ICE1: variants seen among roughly 807,000 people sequenced by gnomAD.
The protein encoded by ICE1 is interactor of little elongation complex ELL subunit 1.
A neutral mutation model predicts 192.7 loss-of-function variants in ICE1; 64 were observed. That is an observed-to-expected ratio of 0.33 (90% CI 0.27 to 0.41). The LOEUF is 0.41. ICE1 is among the 10% of genes least tolerant of loss of function. ICE1 has a pLI of 1.00. For missense variants in ICE1, 2,708 were observed against 2,696.0 expected (o/e 1.00, Z -0.10); for synonymous variants, 1,010 against 984.5 (o/e 1.03, Z -0.49).
chr5:5,489,538 T>A lies in ICE1; in HGVS notation c.*208T>A, dbSNP rs1739731639. The A allele has an allele frequency of 2.1e-6, 1 of 484,510 alleles. No individual in the cohort carries two copies. Among genetic ancestry groups the A allele is most frequent in the Admixed American group, 3.8e-5 (1 of 26,628 alleles). 30.0% of individuals were successfully genotyped at this position (484,510 alleles called of 1,614,324 possible). A position where few individuals can be genotyped will look rare whatever the true frequency, so the allele number is the denominator to read the frequency against. On this transcript the variant is annotated 3_prime_UTR_variant, in exon 19 of 19. Transcript: ENST00000296564. Reference sequence around the variant, plus strand: ...TTTCCCTAAATCTAATACGTTTCACTTAAGGCTGTTGTGATCTGTGACATA... The same window carrying A: ...TTTCCCTAAATCTAATACGTTTCACATAAGGCTGTTGTGATCTGTGACATA...
At position 5,478,109 on chromosome 5, in the gene ICE1, TG is replaced by T. The variant is rs1363204680; in HGVS notation, c.6520+2032del. On this transcript the variant is annotated intron_variant, in intron 17 of 18. Transcript: ENST00000296564. ...TTACCACTCCTGTTCAACATCGTAT[TG>T]GAAGTTCTGGCCAGGCCAATCAGGC... Among the ~76,000 whole-genome samples the T allele has an allele frequency of 3.9e-5, 6 of 152,330 alleles. No individual in the cohort carries two copies. In the East Asian group the frequency reaches 1.2e-3, roughly 29 times the overall value.
rs771276162 is a variant in ICE1 at position 5,465,066 on chromosome 5, A to G, written c.5732A>G (p.His1911Arg). Residue 1911 changes from histidine to arginine, a missense_variant, in exon 13 of 19, where the codon CAT becomes CGT. Physicochemically the swap from His to Arg is conservative, Grantham distance 29. Coordinates refer to ENST00000296564, the MANE Select transcript of ICE1 (RefSeq NM_015325.3). ...PLSPKETVES[H>R]DKAIANALKK... ...AGCCCAAAAGAAACTGTGGAGTCCCATGATAAAGCCATAGCTAATGCCCTG... is the reference window on the plus strand; with the variant it reads ...AGCCCAAAAGAAACTGTGGAGTCCCGTGATAAAGCCATAGCTAATGCCCTG... 2.4e-5 allele frequency: 38 copies of G among 1,613,846 alleles called. No individual in the cohort carries two copies. Among genetic ancestry groups the G allele is most frequent in the Admixed American group, 5.0e-5 (3 of 59,998 alleles).
At chr5:5,457,806 A>G in intron 12 of ICE1, 65 bp downstream of exon 12, 2 of 1,407,192 alleles carry the variant, frequency 1.4e-6, no homozygotes, top group Middle Eastern at 1.8e-4. Context: ...TATGTCCTTG[A>G]TGCTCAAAGG....
At chr5:5,425,445 T>G (rs1561069386) in intron 1 of ICE1, among the ~76,000 whole-genome samples, 1 of 152,350 alleles carries the variant, frequency 6.6e-6, no homozygotes, top group East Asian at 1.9e-4. Context: ...TGTGTTCCAT[T>G]GAAACATTAT....
chr5:5,447,480 A>G lies in ICE1; in HGVS notation c.478A>G (p.Ile160Val). 2 of 1,552,450 alleles carry G rather than the reference A, an allele frequency of 1.3e-6. No individual in the cohort carries two copies. Among genetic ancestry groups the G allele is most frequent in the African/African-American group, 2.7e-5 (2 of 73,170 alleles). ...DFKQLRNEKK[I>V]LEKEFKKTQE... ...CAAGCAACTGAGAAATGAAAAGAAAATACTTGAAAAGGAATTTAAGAAGAC... is the reference window on the plus strand; with the variant it reads ...CAAGCAACTGAGAAATGAAAAGAAAGTACTTGAAAAGGAATTTAAGAAGAC... Residue 160 changes from isoleucine (I) to valine (V), a missense_variant, in exon 8 of 19, where the codon ATA (isoleucine) becomes GTA (valine). Transcript: ENST00000296564.
chr5:5,441,700 G>A (rs1738058574), intron 5 of ICE1, among the ~76,000 whole-genome samples: 1 of 152,158 alleles, frequency 6.6e-6, no homozygotes, highest in African/African-American at 2.4e-5. Flanking sequence ...TCTGGTATGA[G>A]TTAAGATGTC....
rs371809321 is a variant in ICE1, at chr5:5,461,841, ATCT to A, written c.2512_2514del (p.Leu838del). Reference sequence around the variant, plus strand: ...AATAGAGGACCAACACCCAAGCCTGATCTTCTTAGAGAAAATAACAATCCTGTA... The same window carrying A: ...AATAGAGGACCAACACCCAAGCCTGATCTTAGAGAAAATAACAATCCTGTA... On this transcript the variant is annotated inframe_deletion, in exon 13 of 19. Transcript: ENST00000296564. 8.7e-6 allele frequency: 14 copies of A among 1,614,032 alleles called. No individual in the cohort carries two copies. In the East Asian group the frequency reaches 1.6e-4, roughly 18 times the overall value.
chr5:5,449,461 G>GA (rs11324848), intron 10 of ICE1, among the ~76,000 whole-genome samples: 390 of 135,318 alleles, frequency 2.9e-3, no homozygotes, highest in Non-Finnish European at 3.7e-3. Flanking sequence ...TTTTCGACCG[G>GA]AAAAAAAAAA....
intron 4 of ICE1, among the ~76,000 whole-genome samples, chr5:5,440,415 T>C (rs766052968): frequency 1.3e-5 from 2 of 152,282 alleles, no homozygotes; most frequent in African/African-American, 2.4e-5. Flanking sequence ...GGACTCAAGA[T>C]TGGAACAGCC....
rs749805448 is a variant in ICE1 at position 5,464,403 on chromosome 5, G to C, written c.5069G>C (p.Arg1690Pro). 3 of 1,613,740 alleles carry C rather than the reference G, an allele frequency of 1.9e-6. No homozygotes were observed. The South Asian group carries it at 3.3e-5, about 18-fold the overall frequency. ...TCTCCATGGCCAGAGGACCCCAGAC[G>C]TGCCTCTCCTCCAGATCCTTCTCCA... ...AMSPWPEDPR[R>P]ASPPDPSPSP... The change falls in exon 13 of 19, where the codon CGT (arginine) becomes CCT (proline). Residue 1690 changes from arginine (R) to proline (P), a missense_variant. By Grantham distance (103) the Arg-to-Pro change is moderately radical. Coordinates refer to ENST00000296564, the MANE Select transcript of ICE1 (RefSeq NM_015325.3). The surrounding 1 kb of genome is among the most constrained non-coding windows in gnomAD (Gnocchi z 4.0).
chr5:5,441,211 A>G lies in ICE1; in HGVS notation c.297A>G (p.Leu99=). Residue 99 remains leucine (L), a synonymous_variant, in exon 5 of 19, where the codon CTA becomes CTG. Transcript: ENST00000296564. ...AACTGGGATCTTTAAAAGCAGAGCT[A>G]GAAGAGAAAAAGGTATGAACAATAA... ...QEELGSLKAE[L]EEKKSSLKLY... is the part of the protein sequence containing the mutation. 1.9e-6 allele frequency: 3 copies of G among 1,548,158 alleles called. No individual in the cohort carries two copies. The highest frequency in any genetic ancestry group is 4.8e-5 in the East Asian group (2 of 41,734).
intron 17 of ICE1, among the ~76,000 whole-genome samples, chr5:5,482,931 T>C (rs1739544903): frequency 6.6e-6 from 1 of 152,150 alleles, no homozygotes; most frequent in African/African-American, 2.4e-5. Flanking sequence ...AGGCTGTGAT[T>C]TAATAATAAT....
chr5:5,429,436 T>C (rs530323068), intron 1 of ICE1, among the ~76,000 whole-genome samples: 45 of 152,292 alleles, frequency 3.0e-4, no homozygotes, highest in Non-Finnish European at 5.9e-4. Context: ...GTTAATTGTT[T>C]GCTGCACACA....
intron 1 of ICE1, among the ~76,000 whole-genome samples, chr5:5,431,527 G>A (rs868255095): frequency 7.2e-5 from 11 of 152,160 alleles, no homozygotes; most frequent in African/African-American, 2.7e-4. Context: ...TTGCAGATTT[G>A]AAAATATTTA....
In ICE1 at chr5:5,443,211, G is replaced by C. The variant is rs541828339; in HGVS notation, c.353G>C (p.Arg118Pro). ...LYQDTHQEYA[R>P]VKEECLKSDA... ...CAGGATACTCATCAGGAATATGCTC[G>C]TGTAAAGGAAGAATGCTTGAAGAGT... is the stretch of plus-strand genomic sequence containing the variant. Residue 118 changes from arginine to proline, a missense_variant, in exon 6 of 19, where the codon CGT (arginine) becomes CCT (proline). Coordinates refer to ENST00000296564, the MANE Select transcript of ICE1 (RefSeq NM_015325.3). 2.0e-6 allele frequency: 3 copies of C among 1,513,840 alleles called. No individual in the cohort carries two copies. Among genetic ancestry groups the C allele is most frequent in the Non-Finnish European group, 2.7e-6 (3 of 1,127,638 alleles). 93.8% of individuals were successfully genotyped at this position (1,513,840 alleles called of 1,614,324 possible). A position where few individuals can be genotyped will look rare whatever the true frequency, so the allele number is the denominator to read the frequency against.
intron 1 of ICE1, among the ~76,000 whole-genome samples, chr5:5,433,514 TCTTGTCATC>T (rs1737785734): frequency 6.6e-6 from 1 of 152,170 alleles, no homozygotes; most frequent in African/African-American, 2.4e-5. Flanking sequence ...TCTTTTATCC[TCTTGTCATC>T]CTTGTTGGTT....
chr5:5,477,830 A>G (rs1437389117), intron 17 of ICE1, among the ~76,000 whole-genome samples: 1 of 152,240 alleles, frequency 6.6e-6, no homozygotes, highest in Non-Finnish European at 1.5e-5. Context: ...GGTTCAACAT[A>G]TGCAAAGCAA....
intron 3 of ICE1, chr5:5,437,941 C>T (rs970716029): frequency 6.6e-6 from 1 of 152,178 alleles, no homozygotes; most frequent in African/African-American, 2.4e-5. Context: ...TATGTCATAC[C>T]TGAACTTACA....
At chr5:5,427,454 C>G (rs1157840779) in intron 1 of ICE1, among the ~76,000 whole-genome samples, 1 of 152,230 alleles carries the variant, frequency 6.6e-6, no homozygotes, top group Non-Finnish European at 1.5e-5. Context: ...GCTGACTTCA[C>G]TGCAGTGCAA....
Sources: gnomAD v4.1 joint callset for allele counts (sites outside exome capture counted in the v4.1 genomes callset) on GRCh38, gnomAD v4.1.1 for gene constraint, Gnocchi (gnomAD v3.1) non-coding constraint, MANE v1.5 for transcripts, NCBI Gene and HGNC (gene_info 2026-07-23, HGNC 2026-07-21) for gene names.